The following ARHGEF3 variants were observed in gnomAD, a reference collection of about 807,000 sequenced individuals.
The protein encoded by ARHGEF3 is 59.8 kDA protein.
Under a neutral mutation model 63.2 loss-of-function variants are expected in ARHGEF3, and 28 were observed. The ratio of observed to expected loss-of-function variants is 0.44; its 90% confidence interval spans 0.33 to 0.61. The LOEUF (loss-of-function observed/expected upper bound fraction) is 0.61. Ranked by LOEUF, ARHGEF3 falls within the 20% of genes least tolerant of loss-of-function variation. ARHGEF3 has a pLI of 0.03. For missense variants in ARHGEF3, 533 were observed against 659.3 expected (o/e 0.81, Z 2.10); for synonymous variants, 266 against 254.2 (o/e 1.05, Z -0.44).
chr3:56,790,374 T>A (rs1216885207), intron 1 of ARHGEF3, among the ~76,000 whole-genome samples: 1 of 152,186 alleles, frequency 6.6e-6, no homozygotes, highest in Non-Finnish European at 1.5e-5. Flanking sequence ...TCATCATGCA[T>A]CTGTGGCTTA....
chr3:56,894,024 C>A (rs543949636), intron 3 of ARHGEF3, among the ~76,000 whole-genome samples: 1 of 152,048 alleles, frequency 6.6e-6, no homozygotes, highest in African/African-American at 2.4e-5. Flanking sequence ...CGGCTGACAA[C>A]CCCTGGGCAA....
chr3:57,003,041 A>AT (rs1365175646), intron 2 of ARHGEF3, among the ~76,000 whole-genome samples: 4 of 151,118 alleles, frequency 2.6e-5, no homozygotes, highest in Non-Finnish European at 5.9e-5. Context: ...AAGTGCTGGG[A>AT]TTACAGGCGT....
intron 1 of ARHGEF3, among the ~76,000 whole-genome samples, chr3:56,796,408 G>A (rs2107944893): frequency 6.6e-6 from 1 of 152,304 alleles, no homozygotes; most frequent in South Asian, 2.1e-4. Flanking sequence ...ATGACTAACA[G>A]AACTGACGGT....
Position 56,886,925 on chromosome 3 carries a change from C to T in ARHGEF3, c.130-4571G>A, listed in dbSNP as rs546893620. Among the ~76,000 whole-genome samples the T allele has an allele frequency of 1.2e-3, 182 of 152,226 alleles. 1 individual carries two copies. Among genetic ancestry groups the T allele is most frequent in the African/African-American group, 4.1e-3 (171 of 41,534 alleles). On this transcript the variant is annotated intron_variant, in intron 3 of 12. Transcript: ENST00000338458. ...TATGTGCTTCCCCACCATGCTGTCCCGTCCCAGAGTCTGGGATGGCACATC... is the reference window on the plus strand; with the variant it reads ...TATGTGCTTCCCCACCATGCTGTCCTGTCCCAGAGTCTGGGATGGCACATC...
intron 3 of ARHGEF3, among the ~76,000 whole-genome samples, chr3:56,907,666 A>G (rs1387201093): frequency 1.3e-5 from 2 of 152,212 alleles, no homozygotes; most frequent in East Asian, 3.9e-4. Flanking sequence ...GTACATATAC[A>G]CCATGGAATA....
At chr3:57,074,160 A>G (rs749436800) in intron 1 of ARHGEF3, 4 of 1,614,208 alleles carry the variant, frequency 2.5e-6, no homozygotes, top group South Asian at 1.1e-5. Flanking sequence ...TGCCGAGCCC[A>G]GTAGCACAGG....
At chr3:57,030,327 G>A (rs750767328) in intron 2 of ARHGEF3, among the ~76,000 whole-genome samples, 15 of 152,152 alleles carry the variant, frequency 9.9e-5, no homozygotes, top group Admixed American at 3.3e-4. Flanking sequence ...CAACACATAC[G>A]GAAGAGGTGA....
At chr3:56,885,876 A>G (rs1412485896) in intron 3 of ARHGEF3, among the ~76,000 whole-genome samples, 5 of 152,236 alleles carry the variant, frequency 3.3e-5, no homozygotes, top group African/African-American at 1.2e-4. Flanking sequence ...CACTGCCAGC[A>G]ACAAAAAAGT....
chr3:57,028,046 G>A (rs1703548672), intron 2 of ARHGEF3, among the ~76,000 whole-genome samples: 1 of 151,150 alleles, frequency 6.6e-6, no homozygotes, highest in African/African-American at 2.4e-5. Context: ...GAAACAACAG[G>A]TGCTGGAGAG....
chr3:56,812,849 C>T (rs569878133), intron 4 of ARHGEF3, among the ~76,000 whole-genome samples: 1 of 152,238 alleles, frequency 6.6e-6, no homozygotes, highest in Non-Finnish European at 1.5e-5. Flanking sequence ...GTTCTCCCCT[C>T]CTAGAGCCTT....
intron 3 of ARHGEF3, among the ~76,000 whole-genome samples, chr3:56,934,278 A>C (rs1250905678): frequency 6.6e-6 from 1 of 152,254 alleles, no homozygotes; most frequent in East Asian, 1.9e-4. Flanking sequence ...TTTACTGAGC[A>C]GTTACTGAGA....
At chr3:56,742,455 G>A (rs1249533056) in intron 7 of ARHGEF3, among the ~76,000 whole-genome samples, 1 of 152,158 alleles carries the variant, frequency 6.6e-6, no homozygotes, top group Non-Finnish European at 1.5e-5. Flanking sequence ...AGGTATGAAT[G>A]CAATCAACTC....
At chr3:56,908,595 C>A (rs2041768031) in intron 3 of ARHGEF3, among the ~76,000 whole-genome samples, 1 of 152,194 alleles carries the variant, frequency 6.6e-6, no homozygotes, top group South Asian at 2.1e-4. Flanking sequence ...AGTTTTGCAA[C>A]ATGATCCATA....
In ARHGEF3 at chr3:56,755,162, AG is replaced by A. The variant is rs2034993256; in HGVS notation, c.205-12del. ...GAAGCTAATGGAGCGCTAAACAATG[AG>A]AAAAACAAACCATCACGGGGGCAGC... is the stretch of plus-strand genomic sequence containing the variant. On this transcript the variant is annotated splice_polypyrimidine_tract_variant and intron_variant, in intron 2 of 9. Transcript: ENST00000296315. 1.2e-6 allele frequency: 2 copies of A among 1,611,686 alleles called. No homozygotes were observed. Among genetic ancestry groups the A allele is most frequent in the East Asian group, 4.5e-5 (2 of 44,846 alleles).
intron 2 of ARHGEF3, among the ~76,000 whole-genome samples, chr3:56,967,845 T>TTATATAATATACAATGACATATTA (rs1700636183): frequency 2.2e-5 from 1 of 45,984 alleles, no homozygotes; most frequent in Admixed American, 5.0e-4. Context: ...AATTATATTA[T>TTATATAATATACAATGACATATTA]TATATAATAT....
intron 2 of ARHGEF3, among the ~76,000 whole-genome samples, chr3:56,994,250 A>G (rs1701888821): frequency 6.6e-6 from 1 of 151,980 alleles, no homozygotes; most frequent in Non-Finnish European, 1.5e-5. Flanking sequence ...GTAAAGCCCA[A>G]AACAACTAAC....
intron 2 of ARHGEF3, among the ~76,000 whole-genome samples, chr3:56,963,987 C>T (rs1303809103): frequency 6.6e-6 from 1 of 152,152 alleles, no homozygotes; most frequent in Non-Finnish European, 1.5e-5. Flanking sequence ...CAATGAGTCA[C>T]ACTCAGCTTC....
At chr3:57,011,477 T>C (rs940417571) in intron 2 of ARHGEF3, among the ~76,000 whole-genome samples, 50 of 151,904 alleles carry the variant, frequency 3.3e-4, no homozygotes, top group African/African-American at 1.1e-3. Flanking sequence ...TACAAGGGAG[T>C]GGGGTGAGGT....
At chr3:57,044,606 G>T (rs1308599315) in intron 1 of ARHGEF3, among the ~76,000 whole-genome samples, 1 of 152,228 alleles carries the variant, frequency 6.6e-6, no homozygotes. Context: ...TACATGGATA[G>T]ACTGAGTACC....
Sources: allele counts gnomAD v4.1 joint callset (sites outside exome capture counted in the v4.1 genomes callset), GRCh38; gene constraint gnomAD v4.1.1; transcripts MANE v1.5; gene names NCBI Gene and HGNC (gene_info 2026-07-23, HGNC 2026-07-21).